MAGI2: variants seen among roughly 807,000 people sequenced by gnomAD.
MAGI2 encodes the protein membrane-associated guanylate kinase, WW and PDZ domain-containing protein 2.
A neutral mutation model predicts 133.3 loss-of-function variants in MAGI2; 35 were observed. The observed-to-expected ratio is 0.26, with a 90% CI of 0.20 to 0.35. The LOEUF is 0.35. Among genes scored for constraint, MAGI2 ranks in the 10% least tolerant of loss-of-function variants. The pLI, the probability that MAGI2 is intolerant of heterozygous loss-of-function variation, is 1.00. For synonymous variants in MAGI2, 729 were observed against 710.6 expected, an observed-to-expected ratio of 1.03 and a Z score of -0.41; for missense variants, 1,636 against 1,863.4, an observed-to-expected ratio of 0.88 and a Z score of 2.25.
chr7:78,509,712 G>C (rs1795407117), intron 4 of MAGI2, among the ~76,000 whole-genome samples: 1 of 152,076 alleles, frequency 6.6e-6, no homozygotes, highest in African/African-American at 2.4e-5. Context: ...GGTTTTCAAC[G>C]TTCCCACCCA....
At chr7:78,596,025 T>C (rs1804557392) in intron 3 of MAGI2, among the ~76,000 whole-genome samples, 1 of 152,118 alleles carries the variant, frequency 6.6e-6, no homozygotes, top group Admixed American at 6.5e-5. Flanking sequence ...TGATAAAATA[T>C]GCTTCATAAG....
intron 1 of MAGI2, among the ~76,000 whole-genome samples, chr7:79,309,727 T>C (rs976570260): frequency 1.3e-5 from 2 of 151,850 alleles, no homozygotes; most frequent in African/African-American, 4.8e-5. Flanking sequence ...TTATGATGTT[T>C]ATCTAATATC....
intron 6 of MAGI2, among the ~76,000 whole-genome samples, chr7:78,444,474 T>C (rs1421377561): frequency 6.6e-6 from 1 of 152,038 alleles, no homozygotes; most frequent in Non-Finnish European, 1.5e-5. Flanking sequence ...TCTGTTGCTC[T>C]GGCTGGGCAG....
intron 3 of MAGI2, among the ~76,000 whole-genome samples, chr7:78,534,216 G>T (rs2150635886): frequency 6.6e-6 from 1 of 152,262 alleles, no homozygotes; most frequent in African/African-American, 2.4e-5. Flanking sequence ...TCAAGTGGTG[G>T]TGTTTGGAGA....
chr7:79,304,426 C>T (rs1279417216), intron 1 of MAGI2, among the ~76,000 whole-genome samples: 1 of 94,152 alleles, frequency 1.1e-5, no homozygotes, highest in African/African-American at 2.9e-5. Flanking sequence ...CTTAGATACT[C>T]TGGTGATGGG....
At chr7:79,246,950 C>A (rs191943964) in intron 1 of MAGI2, among the ~76,000 whole-genome samples, 285 of 152,230 alleles carry the variant, frequency 1.9e-3, no homozygotes, top group Non-Finnish European at 3.8e-3. Context: ...ATATGTCTAG[C>A]AGCAGAATTA....
intron 2 of MAGI2, among the ~76,000 whole-genome samples, chr7:78,677,820 C>T (rs1421436692): frequency 3.3e-5 from 5 of 152,076 alleles, no homozygotes; most frequent in African/African-American, 1.2e-4. Context: ...TTAACACTTT[C>T]TGATCACCCC....
At chr7:78,212,697 C>T (rs1364331859) in intron 10 of MAGI2, among the ~76,000 whole-genome samples, 1 of 152,182 alleles carries the variant, frequency 6.6e-6, no homozygotes, top group Non-Finnish European at 1.5e-5. Context: ...TGGCATCTTT[C>T]CTAAGCACTT....
intron 1 of MAGI2, among the ~76,000 whole-genome samples, chr7:79,383,401 G>A (rs118146495): frequency 0.073 from 11,102 of 151,556 alleles, 545 homozygotes; most frequent in Non-Finnish European, 0.11. Flanking sequence ...GAAGGGTTCA[G>A]TAATATTAAA....
At chr7:78,405,574 G>C (rs942463075) in intron 6 of MAGI2, among the ~76,000 whole-genome samples, 1 of 152,034 alleles carries the variant, frequency 6.6e-6, no homozygotes, top group Non-Finnish European at 1.5e-5. Context: ...AAATACTAGA[G>C]ATACCTAAGC....
intron 2 of MAGI2, among the ~76,000 whole-genome samples, chr7:78,792,165 C>T (rs37860): frequency 0.86 from 130,114 of 152,094 alleles, 56,061 homozygotes; most frequent in East Asian, 0.96. Flanking sequence ...TAAGTTCAAA[C>T]GCAGACTTTA....
intron 10 of MAGI2, among the ~76,000 whole-genome samples, chr7:78,208,182 C>A (rs1171598369): frequency 7.3e-6 from 1 of 137,572 alleles, no homozygotes; most frequent in African/African-American, 2.7e-5. Context: ...GCTTTCTCTG[C>A]AATGCTTTAA....
At chr7:78,588,165 G>A (rs1398679705) in intron 3 of MAGI2, among the ~76,000 whole-genome samples, 4 of 152,154 alleles carry the variant, frequency 2.6e-5, no homozygotes, top group Non-Finnish European at 4.4e-5. Flanking sequence ...CTTGTTCAAC[G>A]TTAGCCCTCT....
chr7:79,006,535 G>T (rs1807466375), intron 2 of MAGI2: 3 of 152,040 alleles, frequency 2.0e-5, no homozygotes, highest in African/African-American at 7.2e-5. Flanking sequence ...ATTGTTTATG[G>T]ATATCTATAG....
chr7:79,150,198 T>A (rs534657859), intron 1 of MAGI2, among the ~76,000 whole-genome samples: 5 of 152,154 alleles, frequency 3.3e-5, no homozygotes, highest in African/African-American at 1.2e-4. Flanking sequence ...GAGATTTCCT[T>A]TCTGAATCTA....
chr7:79,346,287 A>G (rs1199772326), intron 1 of MAGI2, among the ~76,000 whole-genome samples: 1 of 152,034 alleles, frequency 6.6e-6, no homozygotes, highest in African/African-American at 2.4e-5. Flanking sequence ...TATCCTTGCA[A>G]ATACTCATAT....
At chr7:78,392,045 TTC>T (rs1281068483) in intron 6 of MAGI2, among the ~76,000 whole-genome samples, 54 of 152,284 alleles carry the variant, frequency 3.5e-4, no homozygotes, top group African/African-American at 1.3e-3. Flanking sequence ...GACACATCGT[TTC>T]GACTCTGCAT....
intron 3 of MAGI2, among the ~76,000 whole-genome samples, chr7:78,543,380 A>T (rs1798567539): frequency 6.6e-6 from 1 of 152,236 alleles, no homozygotes; most frequent in Admixed American, 6.5e-5. Flanking sequence ...GTCTAAATTG[A>T]TATTGAAAGG....
chr7:78,464,457 C>A (rs922669316), intron 6 of MAGI2, among the ~76,000 whole-genome samples: 8 of 152,094 alleles, frequency 5.3e-5, no homozygotes, highest in Admixed American at 5.2e-4. Flanking sequence ...CTGCTCATAT[C>A]CCCCTATACC....
Sources: gnomAD v4.1 joint callset for allele counts (sites outside exome capture counted in the v4.1 genomes callset) on GRCh38, gnomAD v4.1.1 for gene constraint, MANE v1.5 for transcripts, NCBI Gene and HGNC (gene_info 2026-07-23, HGNC 2026-07-21) for gene names.